GNB1: variants seen among roughly 807,000 people sequenced by gnomAD.
GNB1 encodes the protein guanine nucleotide-binding protein G(I)/G(S)/G(T) subunit beta-1.
In GNB1, 2 loss-of-function variants were observed where a neutral mutation model predicts 42.9. The ratio of observed to expected loss-of-function variants is 0.05; its 90% confidence interval spans 0.02 to 0.15. GNB1 has a LOEUF of 0.15. Ranked by LOEUF, GNB1 falls within the 10% of genes least tolerant of loss-of-function variation. The pLI is 1.00. For missense variants in GNB1, 193 were observed against 462.2 expected, an observed-to-expected ratio of 0.42 and a Z score of 5.34; for synonymous variants, 183 against 174.7, an observed-to-expected ratio of 1.05 and a Z score of -0.38.
At chr1:1,793,121 A>T in intron 8 of GNB1, 124 bp downstream of exon 8, 1 of 552,792 alleles carries the variant, frequency 1.8e-6, no homozygotes, top group African/African-American at 1.9e-5. Flanking sequence ...TTAAATCTTA[A>T]GGCCACTTAA....
At chr1:1,863,662 T>C (rs1344653071) in intron 1 of GNB1, among the ~76,000 whole-genome samples, 1 of 152,132 alleles carries the variant, frequency 6.6e-6, no homozygotes, top group Non-Finnish European at 1.5e-5. Context: ...CACAAATAGC[T>C]CATTTTGAGA....
chr1:1,875,836 GT>G (rs1416733485), intron 1 of GNB1, among the ~76,000 whole-genome samples: 1 of 10,722 alleles, frequency 9.3e-5, no homozygotes, highest in Non-Finnish European at 1.6e-4. Context: ...GTTCAACAGT[GT>G]CCCCCCCCCC....
chr1:1,872,670 C>T (rs1649310526), intron 1 of GNB1, among the ~76,000 whole-genome samples: 1 of 152,274 alleles, frequency 6.6e-6, no homozygotes, highest in Middle Eastern at 3.4e-3. Context: ...TCTCATCCTT[C>T]AGGCCTTTAC....
intron 1 of GNB1, among the ~76,000 whole-genome samples, chr1:1,864,213 T>C (rs1368029828): frequency 6.8e-6 from 1 of 146,172 alleles, no homozygotes; most frequent in African/African-American, 2.5e-5. Flanking sequence ...ATCCCAGCTA[T>C]TCAGGAGGCT....
intron 1 of GNB1, among the ~76,000 whole-genome samples, chr1:1,887,740 C>A (rs1379126777): frequency 1.3e-5 from 2 of 152,158 alleles, no homozygotes; most frequent in African/African-American, 4.8e-5. Flanking sequence ...CTAAACCTCC[C>A]GAGTAGCTGG....
At chr1:1,854,010 C>T (rs940456268) in intron 1 of GNB1, among the ~76,000 whole-genome samples, 1 of 152,144 alleles carries the variant, frequency 6.6e-6, no homozygotes, top group Non-Finnish European at 1.5e-5. Flanking sequence ...CAACGACCTG[C>T]CCATCTCCAA....
chr1:1,825,527 T>A, intron 2 of GNB1, 28 bp from the exon 3 acceptor site: 2 of 1,063,090 alleles, frequency 1.9e-6, no homozygotes, highest in South Asian at 2.5e-5. Context: ...GCACAATCAA[T>A]AAACAACTGT....
At chr1:1,802,256 C>T (rs140068720) in intron 7 of GNB1, among the ~76,000 whole-genome samples, 23 of 152,174 alleles carry the variant, frequency 1.5e-4, no homozygotes, top group Admixed American at 3.9e-4. Context: ...GTGCACACAG[C>T]GCGGCCACCA....
At chr1:1,793,562 A>G in intron 7 of GNB1, 1 of 351,410 alleles carries the variant, frequency 2.8e-6, no homozygotes, top group Non-Finnish European at 5.4e-6. Flanking sequence ...GGGCAGAAGC[A>G]GAAACCACAC....
intron 10 of GNB1, chr1:1,788,809 T>G: frequency 6.3e-6 from 3 of 478,952 alleles, no homozygotes; most frequent in Non-Finnish European, 1.2e-5. Flanking sequence ...GCTGACCCTC[T>G]CCTGCCCACT....
intron 1 of GNB1, among the ~76,000 whole-genome samples, chr1:1,875,381 C>T (rs1379552327): frequency 2.0e-5 from 3 of 152,046 alleles, no homozygotes; most frequent in South Asian, 2.1e-4. Context: ...TTAGCAGAGA[C>T]GGGGTTTTCA....
rs1646397339 is a variant in GNB1, at chr1:1,785,779, C to T, written c.*1284G>A. The T allele has an allele frequency of 2.7e-6, 1 of 365,692 alleles. No homozygotes were observed. Among genetic ancestry groups the T allele is most frequent in the Middle Eastern group, 7.0e-4 (1 of 1,428 alleles). 22.7% of individuals were successfully genotyped at this position (365,692 alleles called of 1,614,324 possible). On this transcript the variant is annotated 3_prime_UTR_variant, in exon 12 of 12. Transcript: ENST00000378609. ...TCTCTCCCTCCCCACCCTCAGAATCCAACAGCAGTCGTTTGCAACAGAACT... is the reference window on the plus strand; with the variant it reads ...TCTCTCCCTCCCCACCCTCAGAATCTAACAGCAGTCGTTTGCAACAGAACT...
chr1:1,850,558 TATA>T (rs1325692256), intron 1 of GNB1, among the ~76,000 whole-genome samples: 1 of 152,154 alleles, frequency 6.6e-6, no homozygotes, highest in Admixed American at 6.6e-5. Flanking sequence ...ATTATTCATC[TATA>T]ATGTTTTTAA....
chr1:1,793,408 G>C, intron 7 of GNB1, 97 bp from the exon 8 acceptor site: 1 of 757,852 alleles, frequency 1.3e-6, no homozygotes, highest in Non-Finnish European at 2.3e-6. Flanking sequence ...GAAGCTCTAC[G>C]TCTAAGGTAA....
Position 1,825,444 on chromosome 1 carries a change from G to C in GNB1, c.10C>G (p.Leu4Val). The change falls in exon 3 of 12, where the codon CTT becomes GTT. Residue 4 changes from leucine to valine, a missense_variant. Leu to Val is a conservative substitution (Grantham distance 32, BLOSUM62 1). Coordinates refer to ENST00000378609, the MANE Select transcript of GNB1 (RefSeq NM_002074.5). Reference sequence around the variant, plus strand: ...TCGGCCTCCTGCCGTAACTGGTCAAGCTCACTCATCTTCCGATCTTAGTGC... The same window carrying C: ...TCGGCCTCCTGCCGTAACTGGTCAACCTCACTCATCTTCCGATCTTAGTGC... MSE[L>V]DQLRQEAEQL... 3.7e-6 allele frequency: 6 copies of C among 1,611,556 alleles called. No individual in the cohort carries two copies. Among genetic ancestry groups the C allele is most frequent in the Non-Finnish European group, 5.1e-6 (6 of 1,177,630 alleles).
intron 2 of GNB1, among the ~76,000 whole-genome samples, chr1:1,836,856 CTTTT>C (rs35131919): frequency 2.5e-5 from 3 of 120,168 alleles, no homozygotes; most frequent in African/African-American, 9.5e-5. Flanking sequence ...CGACTGCTAA[CTTTT>C]TTTTTTTTTT....
intron 1 of GNB1, among the ~76,000 whole-genome samples, chr1:1,846,094 AG>A (rs1647646214): frequency 6.6e-6 from 1 of 152,188 alleles, no homozygotes; most frequent in South Asian, 2.1e-4. Context: ...ACCAGCTTGA[AG>A]GAAGTCTGCT....
At chr1:1,860,103 A>T (rs1648539584) in intron 1 of GNB1, among the ~76,000 whole-genome samples, 1 of 152,236 alleles carries the variant, frequency 6.6e-6, no homozygotes, top group Non-Finnish European at 1.5e-5. Context: ...AACCATAAAA[A>T]GGAATGAAAG....
chr1:1,862,276 T>C (rs1405589340), intron 1 of GNB1, among the ~76,000 whole-genome samples: 2 of 152,112 alleles, frequency 1.3e-5, no homozygotes, highest in African/African-American at 4.8e-5. Flanking sequence ...GGCAGTCCCA[T>C]GTACCATGAA....
Sources: allele counts gnomAD v4.1 joint callset (sites outside exome capture counted in the v4.1 genomes callset), GRCh38; gene constraint gnomAD v4.1.1; transcripts MANE v1.5; gene names NCBI Gene and HGNC (gene_info 2026-07-23, HGNC 2026-07-21).